Variants in CNST observed in about 807,000 individuals in gnomAD.
CNST encodes the protein consortin, connexin sorting protein.
Under a neutral mutation model 72.4 loss-of-function variants are expected in CNST, and 39 were observed. The observed-to-expected ratio is 0.54, with a 90% CI of 0.42 to 0.70. The LOEUF is 0.70. CNST is among the 30% of genes least tolerant of loss of function. The pLI, the probability that CNST is intolerant of heterozygous loss-of-function variation, is 0.00. For synonymous variants in CNST, 332 were observed against 320.1 expected (o/e 1.04, Z -0.40); for missense variants, 871 against 868.5 (o/e 1.00, Z -0.04).
intron 8 of CNST, among the ~76,000 whole-genome samples, chr1:246,646,027 C>T (rs982212255): frequency 3.9e-5 from 6 of 151,988 alleles, no homozygotes; most frequent in African/African-American, 1.4e-4. Flanking sequence ...CGCCTGTAAT[C>T]CCAGCACTTT....
chr1:246,664,614 G>C (rs1667296215), intron 10 of CNST, among the ~76,000 whole-genome samples: 1 of 151,860 alleles, frequency 6.6e-6, no homozygotes, highest in African/African-American at 2.4e-5. Flanking sequence ...TTTTAGTAGA[G>C]ACGGGGTTTC....
At chr1:246,637,654 C>A (rs969780100) in intron 6 of CNST, among the ~76,000 whole-genome samples, 1 of 152,154 alleles carries the variant, frequency 6.6e-6, no homozygotes, top group Non-Finnish European at 1.5e-5. Context: ...TTGATGTTTT[C>A]AAGTTTGCCT....
At chr1:246,571,534 C>T (rs554955490) in intron 1 of CNST, among the ~76,000 whole-genome samples, 3 of 152,266 alleles carry the variant, frequency 2.0e-5, no homozygotes, top group South Asian at 2.1e-4. Context: ...TCCACCCTTC[C>T]GTCTCTTAGG....
Position 246,626,451 on chromosome 1 carries a change from C to CTTTTTTTT in CNST, c.585+4834_585+4841dup, listed in dbSNP as rs74163468. On this transcript the variant is annotated intron_variant, in intron 3 of 10. Transcript: ENST00000366513. ...TTTCATCCAATCCTGTAGGTTTGTCCTTTTTTTTTTTTTTTTTTTTTTTTG... is the reference window on the plus strand; with the variant it reads ...TTTCATCCAATCCTGTAGGTTTGTCCTTTTTTTTTTTTTTTTTTTTTTTTTTTTTTTTG... Among the ~76,000 whole-genome samples, 44 of 79,954 alleles carry CTTTTTTTT rather than the reference C, an allele frequency of 5.5e-4. 1 individual carries two copies. Among genetic ancestry groups the CTTTTTTTT allele is most frequent in the Admixed American group, 7.9e-4 (4 of 5,052 alleles). 52.5% of individuals were successfully genotyped at this position (79,954 alleles called of 152,430 possible).
chr1:246,595,669 A>G (rs1194466448), intron 2 of CNST, among the ~76,000 whole-genome samples: 1 of 152,176 alleles, frequency 6.6e-6, no homozygotes, highest in South Asian at 2.1e-4. Context: ...AAAACATGAT[A>G]TTCAGTTGCA....
chr1:246,642,228 C>G (rs992106093), intron 8 of CNST, among the ~76,000 whole-genome samples, 191 bp downstream of exon 8: 1 of 146,908 alleles, frequency 6.8e-6, no homozygotes, highest in Non-Finnish European at 1.5e-5. Flanking sequence ...GGTAGCTCCA[C>G]ATTTTAGACA....
At chr1:246,597,325 A>G (rs1291546789) in intron 2 of CNST, among the ~76,000 whole-genome samples, 1 of 152,234 alleles carries the variant, frequency 6.6e-6, no homozygotes, top group Non-Finnish European at 1.5e-5. Context: ...GTACAATTTA[A>G]TTCCAGAACA....
intron 10 of CNST, among the ~76,000 whole-genome samples, chr1:246,664,332 G>A (rs1037951191): frequency 5.3e-5 from 8 of 152,188 alleles, no homozygotes; most frequent in Non-Finnish European, 4.4e-5. Context: ...AGGTGGATTT[G>A]CTGGGATATG....
In CNST at chr1:246,652,481, T is replaced by C. The variant is rs187799264; in HGVS notation, c.1836+4444T>C. Among the ~76,000 whole-genome samples, 285 of 152,346 alleles carry C rather than the reference T, an allele frequency of 1.9e-3. 1 individual carries two copies. The highest frequency in any genetic ancestry group is 2.6e-3 in the Non-Finnish European group (180 of 68,022). On this transcript the variant is annotated intron_variant, in intron 9 of 10. Coordinates refer to ENST00000366513, the MANE Select transcript of CNST (RefSeq NM_152609.3). Reference sequence around the variant, plus strand: ...CATTGAAAATAATCATAGTATGTAATTCAGAGGTCCCCTTGTGAGCAGATT... The same window carrying C: ...CATTGAAAATAATCATAGTATGTAACTCAGAGGTCCCCTTGTGAGCAGATT...
At chr1:246,621,032 CTG>C (rs916626005) in intron 2 of CNST, among the ~76,000 whole-genome samples, 2 of 152,196 alleles carry the variant, frequency 1.3e-5, no homozygotes, top group African/African-American at 2.4e-5. Context: ...AAAACTGACA[CTG>C]AGATTTCAGT....
rs371522474 is a variant in CNST, at chr1:246,568,001, T to TA, written c.-52+1346dup. Among the ~76,000 whole-genome samples, 73 of 151,800 alleles carry TA rather than the reference T, an allele frequency of 4.8e-4. No individual in the cohort carries two copies. In the East Asian group the frequency reaches 0.012, roughly 24 times the overall value. ...ATGTGTCGTTGAATTTCTGACTTTT[T>TA]AAAAAAAACACTGTGGTGGCTGGGT... On this transcript the variant is annotated intron_variant, in intron 1 of 10. Coordinates refer to ENST00000366513, the MANE Select transcript of CNST (RefSeq NM_152609.3).
At position 246,591,879 on chromosome 1, in the gene CNST, A is replaced by T; in HGVS notation, c.317A>T (p.Lys106Ile). ...RDEQAFLGKDKKIPGKRSPRS... is the reference protein window; with the variant it reads ...RDEQAFLGKDIKIPGKRSPRS... ...GAACAGGCCTTCTTGGGAAAGGACA[A>T]AAAAATTCCTGGAAAAAGAAGTCCA... The change falls in exon 2 of 11, where the codon AAA becomes ATA. Residue 106 changes from lysine to isoleucine, a missense_variant. By Grantham distance (102) the Lys-to-Ile change is moderately radical. Coordinates refer to ENST00000366513, the MANE Select transcript of CNST (RefSeq NM_152609.3). The T allele has an allele frequency of 6.2e-7, 1 of 1,614,094 alleles. No homozygotes were observed. The highest frequency in any genetic ancestry group is 8.5e-7 in the Non-Finnish European group (1 of 1,180,016).
chr1:246,589,214 A>G (rs1661382372), intron 1 of CNST, among the ~76,000 whole-genome samples: 1 of 151,702 alleles, frequency 6.6e-6, no homozygotes, highest in African/African-American at 2.4e-5. Context: ...TGCTGCACCC[A>G]TTAACTCGTC....
intron 8 of CNST, among the ~76,000 whole-genome samples, chr1:246,644,388 C>CG (rs1665914339): frequency 9.8e-6 from 1 of 102,186 alleles, no homozygotes; most frequent in Non-Finnish European, 1.9e-5. Context: ...ACTCTGTCTC[C>CG]AAAAAAAAAA....
intron 2 of CNST, chr1:246,605,774 C>T (rs1206773663): frequency 8.6e-6 from 1 of 116,220 alleles, no homozygotes; most frequent in Non-Finnish European, 1.9e-5. Flanking sequence ...GGGTAGGTGT[C>T]TTCCGGCCGG....
intron 9 of CNST, among the ~76,000 whole-genome samples, chr1:246,654,477 G>A (rs753384980): frequency 1.3e-5 from 2 of 152,136 alleles, no homozygotes; most frequent in Admixed American, 6.5e-5. Flanking sequence ...ACAATTCCTC[G>A]GAACTTCAAA....
At chr1:246,578,098 A>G (rs1365867936) in intron 1 of CNST, among the ~76,000 whole-genome samples, 3 of 152,084 alleles carry the variant, frequency 2.0e-5, no homozygotes, top group African/African-American at 7.3e-5. Flanking sequence ...ACAAACATTA[A>G]TTAAACACCG....
At chr1:246,606,219 C>T (rs1045841387) in intron 2 of CNST, 20 of 152,154 alleles carry the variant, frequency 1.3e-4, no homozygotes, top group Non-Finnish European at 1.5e-5. Flanking sequence ...CTTTTATTAT[C>T]AGTGGGATAC....
chr1:246,609,711 T>C (rs1221468242), intron 2 of CNST, among the ~76,000 whole-genome samples: 1 of 152,132 alleles, frequency 6.6e-6, no homozygotes, highest in East Asian at 1.9e-4. Flanking sequence ...ACATCAAGCG[T>C]GTGTTAAAAT....
Sources: gnomAD v4.1 joint callset for allele counts (sites outside exome capture counted in the v4.1 genomes callset) on GRCh38, gnomAD v4.1.1 for gene constraint, MANE v1.5 for transcripts, NCBI Gene and HGNC (gene_info 2026-07-23, HGNC 2026-07-21) for gene names.